ZZEF1: variants seen among roughly 807,000 people sequenced by gnomAD.
The protein encoded by ZZEF1 is zinc finger ZZ-type and EF-hand domain containing 1.
ZZEF1 carries 157 observed loss-of-function variants against 342.8 expected under a neutral mutation model. That is an observed-to-expected ratio of 0.46 (90% CI 0.40 to 0.52). The LOEUF (loss-of-function observed/expected upper bound fraction) is 0.52. ZZEF1 is among the 20% of genes least tolerant of loss of function. ZZEF1 has a pLI of 0.00. For synonymous variants in ZZEF1, 1,505 were observed against 1,429.1 expected, an observed-to-expected ratio of 1.05 and a Z score of -1.20; for missense variants, 3,480 against 3,725.6, an observed-to-expected ratio of 0.93 and a Z score of 1.72.
chr17:4,133,927 ACTCCTGGGGTCAAGCAATC>A (rs1249308650), intron 1 of ZZEF1, among the ~76,000 whole-genome samples: 9 of 149,702 alleles, frequency 6.0e-5, no homozygotes, highest in Admixed American at 6.0e-4. Context: ...CTGGTCTCAA[ACTCCTGGGGTCAAGCAATC>A]CTCCTGCCTT....
rs1318869102 is a variant in ZZEF1 at position 4,006,405 on chromosome 17, G to A, written c.*485C>T. 3 of 218,810 alleles carry A rather than the reference G, an allele frequency of 1.4e-5. No individual in the cohort carries two copies. The highest frequency in any genetic ancestry group is 5.9e-5 in the South Asian group (1 of 16,866). 13.6% of individuals were successfully genotyped at this position (218,810 alleles called of 1,614,324 possible). A position where few individuals can be genotyped will look rare whatever the true frequency, so the allele number is the denominator to read the frequency against. On this transcript the variant is annotated 3_prime_UTR_variant, in exon 55 of 55. Coordinates refer to ENST00000381638, the MANE Select transcript of ZZEF1 (RefSeq NM_015113.4). ...TCACTGGTGGCTAGGAGGGGCTCTC[G>A]CCAGTTTTGGTTTGGTGTGAAAAGC...
rs1567880509 is a variant in ZZEF1, at chr17:4,142,691, A to T, written c.205T>A (p.Cys69Ser). Reference protein sequence around the residue: ...AAAALLPTPPCESLVSRHRGA... With the variant: ...AAAALLPTPPSESLVSRHRGA... ...CGATGCCTCGACACCAGCGACTCGC[A>T]GGGGGGTGTGGGCAGCAACGCTGCA... The change falls in exon 1 of 55, where the codon TGC becomes AGC. Residue 69 changes from cysteine to serine, a missense_variant. By Grantham distance (112) the Cys-to-Ser change is moderately radical (BLOSUM62 -1). Coordinates refer to ENST00000381638, the MANE Select transcript of ZZEF1 (RefSeq NM_015113.4). 2.5e-6 allele frequency: 4 copies of T among 1,604,580 alleles called. No homozygotes were observed. Among genetic ancestry groups the T allele is most frequent in the African/African-American group, 2.7e-5 (2 of 74,764 alleles).
At chr17:4,130,952 T>A (rs546983268) in intron 1 of ZZEF1, among the ~76,000 whole-genome samples, 1 of 152,178 alleles carries the variant, frequency 6.6e-6, no homozygotes, top group Admixed American at 6.5e-5. Flanking sequence ...AGCAGTCACA[T>A]GGAAGCCAGA....
intron 39 of ZZEF1, among the ~76,000 whole-genome samples, chr17:4,035,711 C>G (rs1044440821): frequency 6.6e-6 from 1 of 152,202 alleles, no homozygotes; most frequent in Non-Finnish European, 1.5e-5. Context: ...AGAGTCCAAA[C>G]AGCATAAGGA....
Position 4,014,509 on chromosome 17 carries a change from C to T in ZZEF1, c.8152G>A (p.Val2718Ile). The change falls in exon 50 of 55, where the codon GTT becomes ATT. Residue 2718 changes from valine to isoleucine, a missense_variant. Transcript: ENST00000381638. The surrounding 1 kb of genome is among the most constrained non-coding windows in gnomAD (Gnocchi z 4.4). ...AGGTAGATGGCACCAGGAATGTGAA[C>T]TTTATCCTAGGGAGGGGAAATGGAG... is the stretch of plus-strand genomic sequence containing the variant. ...YNNNTNFEDK[V>I]HIPGAIYLSI... 3 of 1,614,128 alleles carry T rather than the reference C, an allele frequency of 1.9e-6. No homozygotes were observed. Among genetic ancestry groups the T allele is most frequent in the Non-Finnish European group, 1.7e-6 (2 of 1,180,010 alleles).
intron 35 of ZZEF1, among the ~76,000 whole-genome samples, chr17:4,051,609 C>T (rs769474714): frequency 3.3e-4 from 50 of 151,762 alleles, no homozygotes; most frequent in South Asian, 2.1e-4. Context: ...TTAGTAGAGA[C>T]GGGGTTTCTC....
intron 7 of ZZEF1, 51 bp downstream of exon 7, chr17:4,105,642 T>C (rs749029072): frequency 7.7e-7 from 1 of 1,305,116 alleles, no homozygotes; most frequent in Non-Finnish European, 1.1e-6. Flanking sequence ...TTAACAAGCA[T>C]ACGTGCACTC....
rs2055882303 is a variant in ZZEF1 at position 4,009,275 on chromosome 17, T to C, written c.8734-321A>G. The C allele has an allele frequency of 1.6e-5, 9 of 559,206 alleles. No homozygotes were observed. The South Asian group carries it at 1.7e-4, about 10-fold the overall frequency. 34.6% of individuals were successfully genotyped at this position (559,206 alleles called of 1,614,324 possible). On this transcript the variant is annotated intron_variant, in intron 53 of 54. Transcript: ENST00000381638. ...TCAGCTCCCACATTCAATCAGTCTA[T>C]TGTGCTGAGGGGAGGAAAAAAAGAG...
chr17:4,072,669 A>C lies in ZZEF1; in HGVS notation c.3773T>G (p.Val1258Gly). 6.2e-7 allele frequency: 1 copy of C among 1,614,142 alleles called. No individual in the cohort carries two copies. Among genetic ancestry groups the C allele is most frequent in the South Asian group, 1.1e-5 (1 of 91,072 alleles). The change falls in exon 25 of 55, where the codon GTT becomes GGT. Residue 1258 changes from valine to glycine, a missense_variant. This residue lies in a region of ZZEF1 where 1,528 missense variants were observed against 1,624.1 expected (regional missense o/e 0.94). Transcript: ENST00000381638. ...PLWKPVFRHQ[V>G]CPELELEASW... is the part of the protein sequence containing the mutation. Reference sequence around the variant, plus strand: ...TGCTTCTAATTCCAACTCTGGACAAACCTGATGCCTGAAGACAGGTTTCCA... The same window carrying C: ...TGCTTCTAATTCCAACTCTGGACAACCCTGATGCCTGAAGACAGGTTTCCA...
At chr17:4,082,538 A>G (rs2727061) in intron 16 of ZZEF1, 34 bp from the exon 17 acceptor site, 950,690 of 1,604,422 alleles carry the variant, frequency 0.59, 288,325 homozygotes, top group East Asian at 0.71. Flanking sequence ...TATTCAGAAA[A>G]TCTAGTCCAT....
At chr17:4,074,965 A>G in intron 23 of ZZEF1, 132 bp downstream of exon 23, 1 of 967,620 alleles carries the variant, frequency 1.0e-6, no homozygotes, top group Non-Finnish European at 1.6e-6. Context: ...CTCTGATATA[A>G]ATCCTTCCTT....
intron 45 of ZZEF1, 117 bp downstream of exon 45, chr17:4,021,012 A>G (rs2290439): frequency 0.21 from 230,988 of 1,106,648 alleles, 25,731 homozygotes; most frequent in Admixed American, 0.33. Context: ...TTAGGAAGTG[A>G]ATTCTCAGGA....
chr17:4,081,329 C>T, intron 18 of ZZEF1, 47 bp downstream of exon 18: 1 of 1,506,512 alleles, frequency 6.6e-7, no homozygotes, highest in African/African-American at 1.4e-5. Context: ...CATCACGTGC[C>T]CCCACAAGCA....
At chr17:4,125,505 C>T (rs997982270) in intron 1 of ZZEF1, among the ~76,000 whole-genome samples, 3 of 152,204 alleles carry the variant, frequency 2.0e-5, no homozygotes, top group African/African-American at 7.2e-5. Flanking sequence ...GGACAGTCAG[C>T]TTAGAAGCAG....
chr17:4,096,552 A>G lies in ZZEF1; in HGVS notation c.1764+57T>C, dbSNP rs969032112. On this transcript the variant is annotated intron_variant, in intron 10 of 54. Transcript: ENST00000381638. Reference sequence around the variant, plus strand: ...AAATATATATACCTACTATGTACCCATAAAAATTGAAAACAAAAGTAGTAA... The same window carrying G: ...AAATATATATACCTACTATGTACCCGTAAAAATTGAAAACAAAAGTAGTAA... The G allele has an allele frequency of 2.0e-6, 3 of 1,475,470 alleles. No homozygotes were observed. In the African/African-American group the frequency reaches 4.2e-5, roughly 21 times the overall value. The allele number at this position is 1,475,470 out of a possible 1,614,324, so 91.4% of individuals were successfully genotyped here.
chr17:4,049,406 G>A (rs535318639), intron 37 of ZZEF1, among the ~76,000 whole-genome samples: 1 of 152,302 alleles, frequency 6.6e-6, no homozygotes, highest in South Asian at 2.1e-4. Flanking sequence ...CAGGTACTCA[G>A]AAGGATGAAG....
At chr17:4,050,157 C>G (rs902156599) in intron 36 of ZZEF1, among the ~76,000 whole-genome samples, 1 of 152,198 alleles carries the variant, frequency 6.6e-6, no homozygotes, top group African/African-American at 2.4e-5. Flanking sequence ...TACTTTTATA[C>G]TAGCCCCACA....
At chr17:4,138,686 C>G (rs563553112) in intron 1 of ZZEF1, among the ~76,000 whole-genome samples, 8 of 152,274 alleles carry the variant, frequency 5.3e-5, no homozygotes, top group Admixed American at 1.3e-4. Flanking sequence ...ACAACCTATT[C>G]ATATGAAATT....
At position 4,090,701 on chromosome 17, in the gene ZZEF1, C is replaced by T. The variant is rs755691355; in HGVS notation, c.2025+18G>A. On this transcript the variant is annotated intron_variant, in intron 12 of 54. Transcript: ENST00000381638. ...GAATAAAAGGAGGGGAGTGGGCAAACGACGCACTAATGCTTACTTTGGCAA... is the reference window on the plus strand; with the variant it reads ...GAATAAAAGGAGGGGAGTGGGCAAATGACGCACTAATGCTTACTTTGGCAA... The T allele has an allele frequency of 1.0e-5, 16 of 1,599,304 alleles. No individual in the cohort carries two copies. The highest frequency in any genetic ancestry group is 8.8e-5 in the South Asian group (8 of 90,848).
Sources: gnomAD v4.1 joint callset for allele counts (sites outside exome capture counted in the v4.1 genomes callset) on GRCh38, gnomAD v4.1.1 for gene constraint, gnomAD v4.1.1 regional missense constraint, Gnocchi (gnomAD v3.1) non-coding constraint, MANE v1.5 for transcripts, NCBI Gene and HGNC (gene_info 2026-07-23, HGNC 2026-07-21) for gene names.